Variants in LOC128462377 observed in about 807,000 individuals in gnomAD.
At chr16:89,416,740 G>C in the LOC128462377 span, among the ~76,000 whole-genome samples, 1 of 145,010 alleles carries the variant, frequency 6.9e-6, no homozygotes, top group Admixed American at 6.9e-5. Flanking sequence ...GACAGGCCTG[G>C]ACAACGTAAC....
the LOC128462377 span, among the ~76,000 whole-genome samples, chr16:89,379,027 G>C: frequency 6.6e-6 from 1 of 152,342 alleles, no homozygotes; most frequent in East Asian, 1.9e-4. Context: ...AGACAAGCCG[G>C]GCTGAGGCAT....
the LOC128462377 span, among the ~76,000 whole-genome samples, chr16:89,414,898 G>A: frequency 1.3e-5 from 2 of 152,204 alleles, no homozygotes; most frequent in African/African-American, 4.8e-5. Flanking sequence ...TGAAACACGG[G>A]AATGACACAA....
chr16:89,318,443 C>T, the LOC128462377 span, among the ~76,000 whole-genome samples: 1 of 152,264 alleles, frequency 6.6e-6, no homozygotes, highest in Non-Finnish European at 1.5e-5. Flanking sequence ...GCCCTTTCCG[C>T]CACAGCAGCA....
chr16:89,322,575 T>A, the LOC128462377 span, among the ~76,000 whole-genome samples: 1 of 151,644 alleles, frequency 6.6e-6, no homozygotes, highest in Non-Finnish European at 1.5e-5. Flanking sequence ...AGGGAAGCTC[T>A]CCCAGAACCT....
the LOC128462377 span, chr16:89,328,834 CATACCCA>C: frequency 7.2e-6 from 1 of 139,590 alleles, no homozygotes; most frequent in African/African-American, 2.8e-5. Context: ...AGTGAGTGGA[CATACCCA>C]GGAGCACGGG....
the LOC128462377 span, among the ~76,000 whole-genome samples, chr16:89,326,736 T>C: frequency 3.3e-5 from 5 of 152,008 alleles, no homozygotes; most frequent in East Asian, 1.9e-4. Flanking sequence ...AGCAAGACCC[T>C]GTGTGAAAAA....
the LOC128462377 span, among the ~76,000 whole-genome samples, chr16:89,331,574 G>A: frequency 5.3e-5 from 8 of 152,158 alleles, no homozygotes; most frequent in African/African-American, 1.7e-4. Flanking sequence ...CTGGGTGTGT[G>A]GTGACACTGA....
the LOC128462377 span, among the ~76,000 whole-genome samples, chr16:89,341,078 A>G: frequency 3.3e-5 from 5 of 152,238 alleles, no homozygotes; most frequent in South Asian, 4.1e-4. Context: ...GAAAAAATTA[A>G]TAAGTCATAA....
the LOC128462377 span, among the ~76,000 whole-genome samples, chr16:89,381,354 A>AAAAAAAAAAAAAAAAAAG: frequency 4.8e-5 from 6 of 125,338 alleles, no homozygotes; most frequent in African/African-American, 2.0e-4. Flanking sequence ...AAAAAAAAAA[A>AAAAAAAAAAAAAAAAAAG]GGGGTGAGAA....
the LOC128462377 span, among the ~76,000 whole-genome samples, chr16:89,330,028 AATGTAAAAAC>A: frequency 6.6e-6 from 1 of 151,320 alleles, no homozygotes. Flanking sequence ...AATAAAATAA[AATGTAAAAAC>A]ATAAAATTTT....
chr16:89,387,478 C>T, the LOC128462377 span, among the ~76,000 whole-genome samples: 5 of 150,842 alleles, frequency 3.3e-5, no homozygotes, highest in Non-Finnish European at 7.4e-5. Flanking sequence ...CGAGACCATC[C>T]CGGCTAACAC....
chr16:89,401,683 T>C, the LOC128462377 span, among the ~76,000 whole-genome samples: 2 of 152,012 alleles, frequency 1.3e-5, no homozygotes, highest in Admixed American at 1.3e-4. Context: ...CTGGGAAACA[T>C]GGTCTTTGCA....
At chr16:89,369,933 A>C in the LOC128462377 span, among the ~76,000 whole-genome samples, 1 of 152,182 alleles carries the variant, frequency 6.6e-6, no homozygotes, top group African/African-American at 2.4e-5. Context: ...ACAAAAACCA[A>C]ACACGGGGGG....
the LOC128462377 span, among the ~76,000 whole-genome samples, chr16:89,415,800 G>A: frequency 9.2e-6 from 1 of 109,038 alleles, no homozygotes; most frequent in Non-Finnish European, 1.9e-5. Context: ...TACACTCCAG[G>A]CCCTGCACAA....
At chr16:89,392,194 T>A in the LOC128462377 span, among the ~76,000 whole-genome samples, 3 of 152,232 alleles carry the variant, frequency 2.0e-5, no homozygotes, top group African/African-American at 7.2e-5. Flanking sequence ...GTCTCCTTCA[T>A]TCGGTGTACT....
the LOC128462377 span, among the ~76,000 whole-genome samples, chr16:89,368,371 GTTTTTTTTTTTTTTTT>G: frequency 0.011 from 599 of 56,618 alleles, 10 homozygotes; most frequent in Middle Eastern, 0.041. Flanking sequence ...TAATTTTTGT[GTTTTTTTTTTTTTTTT>G]TTTTTTTTTT....
At chr16:89,322,907 G>C in the LOC128462377 span, among the ~76,000 whole-genome samples, 35 of 152,352 alleles carry the variant, frequency 2.3e-4, no homozygotes, top group Non-Finnish European at 3.7e-4. Flanking sequence ...GCAGCGGTGT[G>C]ATCACAGCTC....
chr16:89,383,640 C>T, the LOC128462377 span, among the ~76,000 whole-genome samples: 26 of 151,774 alleles, frequency 1.7e-4, no homozygotes, highest in African/African-American at 6.3e-4. Context: ...GGACCAGCAA[C>T]GCAGCAGACG....
chr16:89,355,901 C>A, the LOC128462377 span, among the ~76,000 whole-genome samples: 11 of 152,246 alleles, frequency 7.2e-5, no homozygotes, highest in Non-Finnish European at 1.3e-4. Context: ...GTGCTCCCCC[C>A]AGCACAGCTC....
Sources: gnomAD v4.1 joint callset for allele counts (sites outside exome capture counted in the v4.1 genomes callset) on GRCh38, gnomAD v4.1.1 for gene constraint, MANE v1.5 for transcripts.